The following CTNNA3 variants were observed in gnomAD, a reference collection of about 807,000 sequenced individuals.
CTNNA3 encodes catenin alpha-3.
In CTNNA3, 76 loss-of-function variants were observed where a neutral mutation model predicts 95.7. The observed-to-expected ratio is 0.79, with a 90% CI of 0.66 to 0.96. CTNNA3 has a LOEUF of 0.96. Ranked by LOEUF, CTNNA3 falls within the 40% of genes least tolerant of loss-of-function variation. The probability of loss-of-function intolerance (pLI) is 0.00; values close to 1 mark genes in which losing one functional copy is unlikely to be tolerated. For synonymous variants in CTNNA3, 431 were observed against 374.4 expected (o/e 1.15, Z -1.74); for missense variants, 1,191 against 1,089.8 (o/e 1.09, Z -1.31).
intron 9 of CTNNA3, among the ~76,000 whole-genome samples, chr10:66,741,065 G>T (rs1361956323): frequency 6.6e-6 from 1 of 152,180 alleles, no homozygotes; most frequent in Non-Finnish European, 1.5e-5. Flanking sequence ...TCCTTTAGGT[G>T]ATTCTTATGC....
At chr10:67,572,079 TC>T (rs2133291084) in intron 3 of CTNNA3, among the ~76,000 whole-genome samples, 1 of 152,320 alleles carries the variant, frequency 6.6e-6, no homozygotes, top group Non-Finnish European at 1.5e-5. Flanking sequence ...CTGTCAATAA[TC>T]TTTTTATATT....
chr10:67,611,629 T>G (rs1843462472), intron 2 of CTNNA3, among the ~76,000 whole-genome samples: 1 of 152,202 alleles, frequency 6.6e-6, no homozygotes, highest in Non-Finnish European at 1.5e-5. Context: ...AAATGTCTTT[T>G]TTAATGCCAA....
intron 5 of CTNNA3, among the ~76,000 whole-genome samples, chr10:67,315,269 T>C (rs1840993309): frequency 6.6e-6 from 1 of 152,176 alleles, no homozygotes; most frequent in Non-Finnish European, 1.5e-5. Context: ...CTCCCCATCT[T>C]TTCCTTACCC....
At chr10:66,486,370 A>T (rs1214145827) in intron 11 of CTNNA3, among the ~76,000 whole-genome samples, 1 of 152,146 alleles carries the variant, frequency 6.6e-6, no homozygotes, top group East Asian at 1.9e-4. Context: ...CAAATAAGAC[A>T]ATTTTTAAAA....
intron 5 of CTNNA3, among the ~76,000 whole-genome samples, chr10:67,330,395 T>C (rs1388498730): frequency 6.6e-6 from 1 of 152,192 alleles, no homozygotes; most frequent in African/African-American, 2.4e-5. Flanking sequence ...ATCTGTGAAA[T>C]GGAGATAACA....
intron 11 of CTNNA3, among the ~76,000 whole-genome samples, chr10:66,436,786 T>C (rs11497933): frequency 0.037 from 5,605 of 152,208 alleles, 342 homozygotes; most frequent in African/African-American, 0.13. Context: ...ACAGTGCCGA[T>C]GGTCTTTACA....
At chr10:67,123,104 C>T (rs1456248854) in intron 7 of CTNNA3, among the ~76,000 whole-genome samples, 2 of 151,926 alleles carry the variant, frequency 1.3e-5, no homozygotes, top group African/African-American at 2.4e-5. Flanking sequence ...TATGTGCAGC[C>T]CATATGTAAT....
At chr10:66,279,424 T>C (rs1203400386) in intron 13 of CTNNA3, among the ~76,000 whole-genome samples, 3 of 152,086 alleles carry the variant, frequency 2.0e-5, no homozygotes, top group African/African-American at 4.8e-5. Context: ...AGCAAGCACC[T>C]GCTACCCTGC....
intron 11 of CTNNA3, among the ~76,000 whole-genome samples, chr10:66,519,728 A>G (rs1840990910): frequency 6.6e-6 from 1 of 152,078 alleles, no homozygotes; most frequent in Non-Finnish European, 1.5e-5. Flanking sequence ...ACATATGTTG[A>G]TTGATGTCTC....
At chr10:65,972,491 T>G (rs2078124454) in intron 16 of CTNNA3, among the ~76,000 whole-genome samples, 1 of 152,190 alleles carries the variant, frequency 6.6e-6, no homozygotes, top group African/African-American at 2.4e-5. Flanking sequence ...CAGTAATTTT[T>G]TAGGATACAA....
intron 7 of CTNNA3, among the ~76,000 whole-genome samples, chr10:66,857,216 G>A (rs1320104120): frequency 6.6e-6 from 1 of 151,950 alleles, no homozygotes; most frequent in African/African-American, 2.4e-5. Flanking sequence ...GGTTGTAGGT[G>A]TGCAGCCTTA....
chr10:67,160,633 T>C (rs1459955591), intron 7 of CTNNA3, among the ~76,000 whole-genome samples: 1 of 151,956 alleles, frequency 6.6e-6, no homozygotes, highest in East Asian at 1.9e-4. Flanking sequence ...AACGGGGTTT[T>C]GCCATGTTCC....
At chr10:67,726,469 T>TAC (rs1841223081) in intron 1 of CTNNA3, among the ~76,000 whole-genome samples, 1 of 66,830 alleles carries the variant, frequency 1.5e-5, no homozygotes, top group African/African-American at 6.3e-5. Context: ...ATATATGATA[T>TAC]AATATTATAT....
At chr10:66,411,757 A>G (rs2093107243) in intron 11 of CTNNA3, among the ~76,000 whole-genome samples, 1 of 152,202 alleles carries the variant, frequency 6.6e-6, no homozygotes, top group Non-Finnish European at 1.5e-5. Context: ...AACATGGTGG[A>G]GTTCAATTTT....
At chr10:66,110,813 C>T (rs1301583561) in intron 13 of CTNNA3, among the ~76,000 whole-genome samples, 1 of 152,138 alleles carries the variant, frequency 6.6e-6, no homozygotes, top group Non-Finnish European at 1.5e-5. Flanking sequence ...GAATTTGTCA[C>T]TGTGCAAGTA....
chr10:67,237,587 G>GA (rs964014616), intron 5 of CTNNA3, among the ~76,000 whole-genome samples: 4 of 149,872 alleles, frequency 2.7e-5, no homozygotes, highest in South Asian at 4.2e-4. Flanking sequence ...AAGTATAATA[G>GA]AAAAAAAAAG....
intron 9 of CTNNA3, among the ~76,000 whole-genome samples, chr10:66,667,954 A>G (rs1251091017): frequency 6.6e-6 from 1 of 152,170 alleles, no homozygotes; most frequent in African/African-American, 2.4e-5. Flanking sequence ...CCATTAAAGT[A>G]TCACAGAAGA....
rs1051910351 is a variant in CTNNA3, at chr10:67,139,214, C to A, written c.1047+41103G>T. Among the ~76,000 whole-genome samples, 8 of 152,118 alleles carry A rather than the reference C, an allele frequency of 5.3e-5. No individual in the cohort carries two copies. In the South Asian group the frequency reaches 1.5e-3, roughly 28 times the overall value. ...GTGGTGTGATCTCAGCTCACTGCAA[C>A]CTCCGCCTCCCAGGTTCAAGTGCTT... is the stretch of plus-strand genomic sequence containing the variant. On this transcript the variant is annotated intron_variant, in intron 7 of 17. Transcript: ENST00000433211.
At chr10:66,420,835 A>AAATAAATAAATAAATT (rs751801209) in intron 11 of CTNNA3, among the ~76,000 whole-genome samples, 3,181 of 92,982 alleles carry the variant, frequency 0.034, 121 homozygotes, top group East Asian at 0.25. Context: ...ATAAATAAAT[A>AAATAAATAAATAAATT]AATAAAAAAC....
Sources: gnomAD v4.1 joint callset for allele counts (sites outside exome capture counted in the v4.1 genomes callset) on GRCh38, gnomAD v4.1.1 for gene constraint, MANE v1.5 for transcripts, NCBI Gene and HGNC (gene_info 2026-07-23, HGNC 2026-07-21) for gene names.